The following SUSD4 variants were observed in gnomAD, a reference collection of about 807,000 sequenced individuals.
SUSD4 encodes the protein sushi domain containing 4.
In SUSD4, 41 loss-of-function variants were observed where a neutral mutation model predicts 50.5. The ratio of observed to expected loss-of-function variants is 0.81; its 90% CI spans 0.63 to 1.05. The LOEUF (loss-of-function observed/expected upper bound fraction) is 1.05, where lower values mean the gene tolerates loss of function less well. Among genes scored for constraint, SUSD4 ranks in the 50% least tolerant of loss-of-function variants. SUSD4 has a pLI of 0.00. For synonymous variants in SUSD4, 257 were observed against 257.3 expected (o/e 1.00, Z 0.01); for missense variants, 580 against 634.7 (o/e 0.91, Z 0.93).
At chr1:223,258,586 G>A (rs1410655009) in intron 5 of SUSD4, among the ~76,000 whole-genome samples, 2 of 152,084 alleles carry the variant, frequency 1.3e-5, no homozygotes, top group Non-Finnish European at 2.9e-5. Flanking sequence ...TAAACTTTCA[G>A]ATGTTCGGCT....
At chr1:223,308,466 A>G (rs1665681728) in intron 2 of SUSD4, among the ~76,000 whole-genome samples, 3 of 152,184 alleles carry the variant, frequency 2.0e-5, no homozygotes, top group Non-Finnish European at 4.4e-5. Context: ...CACAGCCTGC[A>G]GACCCGTAAG....
At chr1:223,247,649 C>A (rs920166007) in intron 5 of SUSD4, among the ~76,000 whole-genome samples, 16 of 152,306 alleles carry the variant, frequency 1.1e-4, no homozygotes, top group South Asian at 2.1e-4. Flanking sequence ...ACACCTCTTT[C>A]TGCCATGTTA....
chr1:223,223,490 G>T lies in SUSD4; in HGVS notation c.1203C>A (p.Gly401=). Reference sequence around the variant, plus strand: ...TCTGGTCGTCCACGGGTAAGGGGCAGCCCTGGCCCACAGAGGCCATGTACC... The same window carrying T: ...TCTGGTCGTCCACGGGTAAGGGGCATCCCTGGCCCACAGAGGCCATGTACC... ...GPGYMASVGQ[G]CPLPVDDQSP... The change falls in exon 8 of 9, where the codon GGC becomes GGA. Residue 401 remains glycine, a synonymous_variant. Transcript: ENST00000366878. 5.6e-6 allele frequency: 9 copies of T among 1,613,574 alleles called. No individual in the cohort carries two copies. The South Asian group carries it at 9.9e-5, about 18-fold the overall frequency.
chr1:223,356,159 T>C (rs1311766415), intron 2 of SUSD4, among the ~76,000 whole-genome samples: 1 of 141,932 alleles, frequency 7.0e-6, no homozygotes. Context: ...AACTCAATTA[T>C]TTCTATTTTT....
At chr1:223,328,265 C>A (rs1666987516) in intron 2 of SUSD4, among the ~76,000 whole-genome samples, 1 of 152,188 alleles carries the variant, frequency 6.6e-6, no homozygotes, top group South Asian at 2.1e-4. Context: ...CTTAATCCTT[C>A]CTATTCGGTC....
At chr1:223,297,022 T>TG (rs1243777330) in intron 2 of SUSD4, among the ~76,000 whole-genome samples, 1 of 152,202 alleles carries the variant, frequency 6.6e-6, no homozygotes, top group Non-Finnish European at 1.5e-5. Flanking sequence ...AAGAAAGACC[T>TG]GACCAGTGTC....
chr1:223,263,373 G>A (rs894498739), intron 5 of SUSD4, among the ~76,000 whole-genome samples: 7 of 152,146 alleles, frequency 4.6e-5, no homozygotes, highest in African/African-American at 1.4e-4. Context: ...GATAAGGAAA[G>A]AATAATTTTT....
At chr1:223,314,674 G>A (rs1666075002) in intron 2 of SUSD4, among the ~76,000 whole-genome samples, 1 of 152,112 alleles carries the variant, frequency 6.6e-6, no homozygotes, top group African/African-American at 2.4e-5. Flanking sequence ...GAGATCTCAC[G>A]AGATCTGATG....
chr1:223,288,802 A>G (rs1248960802), intron 3 of SUSD4, among the ~76,000 whole-genome samples: 2 of 152,172 alleles, frequency 1.3e-5, no homozygotes, highest in African/African-American at 4.8e-5. Flanking sequence ...TAAGATGTTT[A>G]CTTTTTAAAT....
chr1:223,278,693 G>A (rs183695699), intron 3 of SUSD4, among the ~76,000 whole-genome samples: 1 of 152,360 alleles, frequency 6.6e-6, no homozygotes, highest in Admixed American at 6.5e-5. Flanking sequence ...AAATGTCCCT[G>A]TCTGACAGCT....
chr1:223,238,478 C>T (rs1364929656), intron 5 of SUSD4, among the ~76,000 whole-genome samples: 1 of 151,950 alleles, frequency 6.6e-6, no homozygotes, highest in Non-Finnish European at 1.5e-5. Context: ...CAGATGCACT[C>T]AATGCTAGAA....
intron 2 of SUSD4, among the ~76,000 whole-genome samples, chr1:223,298,428 C>T (rs1224788786): frequency 6.6e-6 from 1 of 152,126 alleles, no homozygotes; most frequent in Non-Finnish European, 1.5e-5. Context: ...TTACAAACTT[C>T]CCCCAATCCA....
At chr1:223,329,183 G>A (rs1667038134) in intron 2 of SUSD4, among the ~76,000 whole-genome samples, 1 of 152,144 alleles carries the variant, frequency 6.6e-6, no homozygotes, top group Non-Finnish European at 1.5e-5. Flanking sequence ...ACAAGAGGGA[G>A]AATGGGGGGC....
chr1:223,344,204 T>C (rs564162299), intron 2 of SUSD4, among the ~76,000 whole-genome samples: 1 of 152,190 alleles, frequency 6.6e-6, no homozygotes, highest in Non-Finnish European at 1.5e-5. Context: ...CAGGTTTTAA[T>C]ACTGCACAGC....
At chr1:223,243,606 C>A (rs971728886) in intron 5 of SUSD4, among the ~76,000 whole-genome samples, 2 of 152,244 alleles carry the variant, frequency 1.3e-5, no homozygotes, top group South Asian at 2.1e-4. Context: ...CCACTACCAG[C>A]ATGTGGCTGG....
intron 2 of SUSD4, among the ~76,000 whole-genome samples, chr1:223,324,984 C>T (rs1443354614): frequency 5.3e-5 from 8 of 152,102 alleles, no homozygotes; most frequent in Non-Finnish European, 1.2e-4. Context: ...CTCTGATACC[C>T]ACTCCACAAT....
intron 2 of SUSD4, among the ~76,000 whole-genome samples, chr1:223,310,433 A>T (rs1037836150): frequency 1.3e-5 from 2 of 152,206 alleles, no homozygotes; most frequent in Non-Finnish European, 2.9e-5. Flanking sequence ...GAAACCATTG[A>T]AACTATGTTT....
At chr1:223,251,153 T>A (rs1167135013) in intron 5 of SUSD4, among the ~76,000 whole-genome samples, 1 of 152,176 alleles carries the variant, frequency 6.6e-6, no homozygotes, top group Non-Finnish European at 1.5e-5. Flanking sequence ...TGTATTGCTA[T>A]AATAGAATAT....
chr1:223,305,370 C>T (rs1430192121), intron 2 of SUSD4, among the ~76,000 whole-genome samples: 1 of 152,120 alleles, frequency 6.6e-6, no homozygotes, highest in Admixed American at 6.5e-5. Flanking sequence ...AAAACCCAAC[C>T]ACCAAATGGG....
Sources: allele counts gnomAD v4.1 joint callset (sites outside exome capture counted in the v4.1 genomes callset), GRCh38; gene constraint gnomAD v4.1.1; transcripts MANE v1.5; gene names NCBI Gene and HGNC (gene_info 2026-07-23, HGNC 2026-07-21).